RAB27B: variants seen among roughly 807,000 people sequenced by gnomAD.
RAB27B encodes the protein RAB27B, member RAS oncogene family, also known as ras-related protein Rab-27B.
RAB27B carries 15 observed loss-of-function variants against 24.6 expected under a neutral mutation model. The observed-to-expected ratio is 0.61, with a 90% CI of 0.41 to 0.94. The LOEUF (loss-of-function observed/expected upper bound fraction) is 0.94. RAB27B is among the 40% of genes least tolerant of loss of function. RAB27B has a pLI of 0.00. For missense variants in RAB27B, 261 were observed against 266.8 expected (o/e 0.98, Z 0.15); for synonymous variants, 105 against 92.5 (o/e 1.14, Z -0.78).
At chr18:54,846,666 C>A (rs1911351981) in intron 1 of RAB27B, among the ~76,000 whole-genome samples, 1 of 152,108 alleles carries the variant, frequency 6.6e-6, no homozygotes, top group African/African-American at 2.4e-5. Context: ...AAAAAGAAGG[C>A]AATGAATATC....
Position 54,875,937 on chromosome 18 carries a change from A to G in RAB27B, c.-19-1630A>G, listed in dbSNP as rs1234277369. Among the ~76,000 whole-genome samples, 18 of 152,312 alleles carry G rather than the reference A, an allele frequency of 1.2e-4. No individual in the cohort carries two copies. In the South Asian group the frequency reaches 3.7e-3, roughly 32 times the overall value. On this transcript the variant is annotated intron_variant, in intron 1 of 5. Transcript: ENST00000262094. ...TTACACATAAAAAGTTATTAGAATTATCTAGTGATTTTAGATATGTCCTCT... is the reference window on the plus strand; with the variant it reads ...TTACACATAAAAAGTTATTAGAATTGTCTAGTGATTTTAGATATGTCCTCT...
chr18:54,794,529 TTC>T (rs751307751), intron 2 of RAB27B, among the ~76,000 whole-genome samples: 7 of 152,228 alleles, frequency 4.6e-5, no homozygotes, highest in Non-Finnish European at 7.3e-5. Flanking sequence ...TGTAGGATGA[TTC>T]TCTGTCTGAG....
At chr18:54,755,101 C>A (rs1414394973) in intron 2 of RAB27B, among the ~76,000 whole-genome samples, 1 of 152,118 alleles carries the variant, frequency 6.6e-6, no homozygotes, top group East Asian at 1.9e-4. Context: ...TTAAACATGT[C>A]ACTTAAGGCT....
chr18:54,776,487 G>C (rs1167892041), intron 2 of RAB27B, among the ~76,000 whole-genome samples: 1 of 152,204 alleles, frequency 6.6e-6, no homozygotes, highest in Non-Finnish European at 1.5e-5. Context: ...GGACAATCCA[G>C]AAGAGAGTAG....
intron 2 of RAB27B, among the ~76,000 whole-genome samples, chr18:54,766,450 A>G (rs1477448913): frequency 6.6e-6 from 1 of 151,770 alleles, no homozygotes; most frequent in Non-Finnish European, 1.5e-5. Flanking sequence ...AGATCATTGA[A>G]TGTCTCCACA....
intron 2 of RAB27B, among the ~76,000 whole-genome samples, chr18:54,794,735 C>T (rs982268064): frequency 4.6e-5 from 7 of 152,200 alleles, no homozygotes; most frequent in Admixed American, 4.6e-4. Flanking sequence ...TAGCGCTGAA[C>T]AGAAGTGGTC....
At chr18:54,744,447 A>G (rs140498853) in intron 2 of RAB27B, among the ~76,000 whole-genome samples, 27 of 152,324 alleles carry the variant, frequency 1.8e-4, no homozygotes, top group Middle Eastern at 6.8e-3. Flanking sequence ...TTCTTTTTGA[A>G]GGAGAATATA....
At chr18:54,830,986 T>C (rs142780356) in intron 1 of RAB27B, among the ~76,000 whole-genome samples, 1 of 152,348 alleles carries the variant, frequency 6.6e-6, no homozygotes, top group East Asian at 1.9e-4. Context: ...TGTTATGCAC[T>C]GTTCAGGGCT....
intron 2 of RAB27B, among the ~76,000 whole-genome samples, chr18:54,806,842 C>T (rs1348331121): frequency 6.6e-6 from 1 of 152,130 alleles, no homozygotes; most frequent in Admixed American, 6.5e-5. Context: ...TTCTAAGTCA[C>T]TTAAAGCAAA....
intron 3 of RAB27B, among the ~76,000 whole-genome samples, chr18:54,882,675 T>A (rs1179802196): frequency 1.3e-5 from 2 of 152,124 alleles, no homozygotes; most frequent in Non-Finnish European, 2.9e-5. Flanking sequence ...AAGACCAGCA[T>A]GTGTGAAAGC....
chr18:54,892,537 A>G lies in RAB27B; in HGVS notation c.*3124A>G, dbSNP rs975112586. Reference sequence around the variant, plus strand: ...GTACAAGCTTACCTTTTAGGGTAGAAAAAGAAAGATCATTTGAAAAATGTA... The same window carrying G: ...GTACAAGCTTACCTTTTAGGGTAGAGAAAGAAAGATCATTTGAAAAATGTA... On this transcript the variant is annotated 3_prime_UTR_variant, in exon 6 of 6. Transcript: ENST00000262094. 2.6e-5 allele frequency: 4 copies of G among 152,066 alleles called. No individual in the cohort carries two copies. The highest frequency in any genetic ancestry group is 4.4e-5 in the Non-Finnish European group (3 of 67,976). 9.4% of individuals were successfully genotyped at this position (152,066 alleles called of 1,614,324 possible).
chr18:54,837,401 G>A (rs532653006), intron 1 of RAB27B, among the ~76,000 whole-genome samples: 53 of 152,214 alleles, frequency 3.5e-4, no homozygotes, highest in Middle Eastern at 6.8e-3. Flanking sequence ...GCAATAGATG[G>A]ATAAATAGTG....
chr18:54,750,734 A>T (rs923566619), intron 2 of RAB27B, among the ~76,000 whole-genome samples: 1 of 152,224 alleles, frequency 6.6e-6, no homozygotes, highest in East Asian at 1.9e-4. Flanking sequence ...AGAATGATTA[A>T]TTATAATACC....
At chr18:54,866,244 G>C (rs1255902155) in intron 1 of RAB27B, among the ~76,000 whole-genome samples, 1 of 151,776 alleles carries the variant, frequency 6.6e-6, no homozygotes, top group Non-Finnish European at 1.5e-5. Flanking sequence ...ACTCTCAGGG[G>C]ATCCTGGTGG....
At chr18:54,759,175 C>T (rs960907698) in intron 2 of RAB27B, among the ~76,000 whole-genome samples, 6 of 151,932 alleles carry the variant, frequency 3.9e-5, no homozygotes, top group Non-Finnish European at 5.9e-5. Flanking sequence ...AAAGTTAGTA[C>T]CATCATTGTC....
At chr18:54,748,278 C>T (rs999285359) in intron 2 of RAB27B, among the ~76,000 whole-genome samples, 3 of 152,088 alleles carry the variant, frequency 2.0e-5, no homozygotes, top group African/African-American at 7.2e-5. Context: ...CTTTGGAGTG[C>T]TCTGTAGAAG....
chr18:54,718,739 A>G (rs969382437), intron 2 of RAB27B, among the ~76,000 whole-genome samples: 1 of 152,230 alleles, frequency 6.6e-6, no homozygotes. Flanking sequence ...AATAATTTTG[A>G]TTATGCATGA....
chr18:54,893,605 G>C lies in RAB27B; in HGVS notation c.*4192G>C, dbSNP rs1237791407. On this transcript the variant is annotated 3_prime_UTR_variant, in exon 6 of 6. Transcript: ENST00000262094. ...TGTTGAGCTCTTATACATGAAAATG[G>C]ATATAGGCTATTCTCTGGGATGAGT... The C allele has an allele frequency of 6.6e-6, 1 of 151,996 alleles. No homozygotes were observed. Among genetic ancestry groups the C allele is most frequent in the Non-Finnish European group, 1.5e-5 (1 of 67,942 alleles). The allele number at this position is 151,996 out of a possible 1,614,324, so 9.4% of individuals were successfully genotyped here.
intron 5 of RAB27B, 124 bp from the exon 6 acceptor site, chr18:54,889,100 A>G (rs1272914160): frequency 1.1e-6 from 1 of 950,328 alleles, no homozygotes. Context: ...CTTAGCCAGC[A>G]AAACCATAAT....
Sources: gnomAD v4.1 joint callset for allele counts (sites outside exome capture counted in the v4.1 genomes callset) on GRCh38, gnomAD v4.1.1 for gene constraint, MANE v1.5 for transcripts, NCBI Gene and HGNC (gene_info 2026-07-23, HGNC 2026-07-21) for gene names.